The following PAPPA2 variants were observed in gnomAD, a reference collection of about 807,000 sequenced individuals.
The protein encoded by PAPPA2 is pappalysin 2.
PAPPA2 carries 86 observed loss-of-function variants against 176.4 expected under a neutral mutation model. That is an observed-to-expected ratio of 0.49 (90% CI 0.41 to 0.58). PAPPA2 has a LOEUF of 0.58. Among genes scored for constraint, PAPPA2 ranks in the 20% least tolerant of loss-of-function variants. PAPPA2 has a pLI of 0.00. For synonymous variants in PAPPA2, 809 were observed against 852.2 expected (o/e 0.95, Z 0.88); for missense variants, 2,073 against 2,256.9 (o/e 0.92, Z 1.65).
intron 12 of PAPPA2, among the ~76,000 whole-genome samples, chr1:176,738,904 T>A (rs1213275702): frequency 2.0e-5 from 3 of 152,140 alleles, no homozygotes; most frequent in African/African-American, 7.2e-5. Flanking sequence ...TCTGAAAGTC[T>A]GTTTTAGTGT....
chr1:176,529,791 AG>A (rs1236848317), intron 1 of PAPPA2, among the ~76,000 whole-genome samples: 19 of 152,084 alleles, frequency 1.2e-4, no homozygotes, highest in Non-Finnish European at 2.5e-4. Flanking sequence ...TAAACCTTCA[AG>A]ATGGCCACTT....
chr1:176,657,322 C>T (rs761993987), intron 3 of PAPPA2, among the ~76,000 whole-genome samples: 7 of 151,764 alleles, frequency 4.6e-5, no homozygotes, highest in Middle Eastern at 3.2e-3. Context: ...GAAACATTCA[C>T]GAGAGTTAGA....
chr1:176,465,390 C>A (rs1452759557), intron 1 of PAPPA2, among the ~76,000 whole-genome samples: 1 of 152,204 alleles, frequency 6.6e-6, no homozygotes, highest in Non-Finnish European at 1.5e-5. Context: ...TCACAGGTCT[C>A]CCTATACTGG....
At position 176,561,245 on chromosome 1, in the gene PAPPA2, G is replaced by A. The variant is rs180686057; in HGVS notation, c.919+4004G>A. Among the ~76,000 whole-genome samples the A allele has an allele frequency of 2.6e-3, 398 of 152,194 alleles. 2 individuals are homozygous for A. Among genetic ancestry groups the A allele is most frequent in the Admixed American group, 6.4e-3 (98 of 15,300 alleles). On this transcript the variant is annotated intron_variant, in intron 2 of 22. Transcript: ENST00000367662. Reference sequence around the variant, plus strand: ...TTCCATTTAAATAAAAATGAAAAAAGCTCCAAAAAATGAAAAATAAGACAA... The same window carrying A: ...TTCCATTTAAATAAAAATGAAAAAAACTCCAAAAAATGAAAAATAAGACAA...
intron 12 of PAPPA2, among the ~76,000 whole-genome samples, chr1:176,724,778 C>T (rs1011440752): frequency 2.0e-5 from 3 of 152,088 alleles, no homozygotes; most frequent in African/African-American, 7.2e-5. Flanking sequence ...TAACACCAGG[C>T]GTCAAAGAAG....
At chr1:176,743,142 A>G (rs1381525486) in intron 14 of PAPPA2, among the ~76,000 whole-genome samples, 2 of 152,202 alleles carry the variant, frequency 1.3e-5, no homozygotes, top group Admixed American at 1.3e-4. Flanking sequence ...GGCAGCCAGA[A>G]TCTGTGAGGA....
At chr1:176,779,443 G>C (rs936507013) in intron 17 of PAPPA2, among the ~76,000 whole-genome samples, 4 of 150,064 alleles carry the variant, frequency 2.7e-5, no homozygotes, top group Non-Finnish European at 5.9e-5. Flanking sequence ...GTAGGGTGGA[G>C]AAAATGAGCA....
intron 21 of PAPPA2, among the ~76,000 whole-genome samples, chr1:176,839,548 C>T (rs1428909153): frequency 3.9e-5 from 6 of 152,090 alleles, no homozygotes; most frequent in South Asian, 2.1e-4. Flanking sequence ...GTCCTCAACC[C>T]GAGCACCACT....
intron 7 of PAPPA2, 31 bp downstream of exon 7, chr1:176,695,890 C>T: frequency 6.2e-7 from 1 of 1,609,504 alleles, no homozygotes; most frequent in Non-Finnish European, 8.5e-7. Context: ...TTCTTTATAC[C>T]CTGGTGACCA....
At position 176,578,468 on chromosome 1, in the gene PAPPA2, T is replaced by C. The variant is rs534270107; in HGVS notation, c.920-16056T>C. ...TTTTCTGAGTCAAGACTCTCATGAC[T>C]CCATTTGACTTCAGGAGCAGAGTGG... is the stretch of plus-strand genomic sequence containing the variant. On this transcript the variant is annotated intron_variant, in intron 2 of 22. Coordinates refer to ENST00000367662, the MANE Select transcript of PAPPA2 (RefSeq NM_020318.3). Among the ~76,000 whole-genome samples the C allele has an allele frequency of 3.9e-5, 6 of 152,264 alleles. No homozygotes were observed. The East Asian group carries it at 1.2e-3, about 29-fold the overall frequency.
Position 176,789,666 on chromosome 1 carries a change from C to T in PAPPA2, c.4716-143C>T. ...TTTAGTTCCATGATTTAGAAATTAG[C>T]CTAGGACAGTGGGACATATGGCTCA... On this transcript the variant is annotated intron_variant, in intron 17 of 22. Coordinates refer to ENST00000367662, the MANE Select transcript of PAPPA2 (RefSeq NM_020318.3). 9 of 800,942 alleles carry T rather than the reference C, an allele frequency of 1.1e-5. No individual in the cohort carries two copies. In the South Asian group the frequency reaches 1.5e-4, roughly 13 times the overall value. The allele number at this position is 800,942 out of a possible 1,614,324, so 49.6% of individuals were successfully genotyped here.
At chr1:176,537,148 A>G (rs1216459622) in intron 1 of PAPPA2, among the ~76,000 whole-genome samples, 1 of 152,198 alleles carries the variant, frequency 6.6e-6, no homozygotes. Flanking sequence ...CTTTCTTTAT[A>G]GATTCTCCTA....
At chr1:176,622,435 T>G (rs1655648005) in intron 3 of PAPPA2, among the ~76,000 whole-genome samples, 1 of 152,172 alleles carries the variant, frequency 6.6e-6, no homozygotes, top group Admixed American at 6.5e-5. Flanking sequence ...ATAAATTTGT[T>G]GAAGGTATAA....
In PAPPA2 at chr1:176,683,008, CTATTTATTTATT is replaced by C. The variant is rs71865149; in HGVS notation, c.2138-7091_2138-7080del. Among the ~76,000 whole-genome samples, 188 of 140,660 alleles carry C rather than the reference CTATTTATTTATT, an allele frequency of 1.3e-3. No individual in the cohort carries two copies. In the Middle Eastern group the frequency reaches 0.017, roughly 13 times the overall value. The allele number at this position is 140,660 out of a possible 152,430, so 92.3% of individuals were successfully genotyped here. On this transcript the variant is annotated intron_variant, in intron 4 of 22. Transcript: ENST00000367662. ...TATCCTTTTCTCAAGTTGCCCAAAG[CTATTTATTTATT>C]TATTTATTTATTTATTTATTTATTT...
rs1297522037 is a variant in PAPPA2 at position 176,799,508 on chromosome 1, C to T, written c.5131-553C>T. On this transcript the variant is annotated intron_variant, in intron 20 of 22. Coordinates refer to ENST00000367662, the MANE Select transcript of PAPPA2 (RefSeq NM_020318.3). ...ACTGTCTGGTTTCCTACAGGGCAGG[C>T]TGCATGATGATACCAAGAATTACAG... Among the ~76,000 whole-genome samples, 3 of 152,108 alleles carry T rather than the reference C, an allele frequency of 2.0e-5. No homozygotes were observed. The East Asian group carries it at 5.8e-4, about 29-fold the overall frequency.
At chr1:176,838,376 G>C (rs1218149833) in intron 21 of PAPPA2, among the ~76,000 whole-genome samples, 1 of 152,064 alleles carries the variant, frequency 6.6e-6, no homozygotes, top group Non-Finnish European at 1.5e-5. Flanking sequence ...GTGCTCCTTC[G>C]ATTTTTATAG....
intron 5 of PAPPA2, chr1:176,691,341 C>A: frequency 4.5e-6 from 1 of 224,372 alleles, no homozygotes. Context: ...CGTGATGAGC[C>A]GATTCTGTCT....
At chr1:176,781,717 T>C (rs981665889) in intron 17 of PAPPA2, among the ~76,000 whole-genome samples, 3 of 152,172 alleles carry the variant, frequency 2.0e-5, no homozygotes, top group South Asian at 4.1e-4. Context: ...GTCTTTAATA[T>C]GCATAGGAAT....
intron 4 of PAPPA2, among the ~76,000 whole-genome samples, chr1:176,689,289 T>C (rs181184675): frequency 1.3e-4 from 20 of 152,300 alleles, no homozygotes; most frequent in African/African-American, 4.8e-4. Flanking sequence ...AGCCTTCCTT[T>C]TGTAAGGTTC....
Sources: gnomAD v4.1 joint callset for allele counts (sites outside exome capture counted in the v4.1 genomes callset) on GRCh38, gnomAD v4.1.1 for gene constraint, MANE v1.5 for transcripts, NCBI Gene and HGNC (gene_info 2026-07-23, HGNC 2026-07-21) for gene names.